Variants in ITGB5 observed in about 807,000 individuals in gnomAD.
The protein encoded by ITGB5 is integrin subunit beta 5, also known as integrin beta-5.
In ITGB5, 38 loss-of-function variants were observed where a neutral mutation model predicts 84.8. The observed-to-expected ratio is 0.45, with a 90% confidence interval of 0.35 to 0.59. The LOEUF (loss-of-function observed/expected upper bound fraction) is 0.59. Among genes scored for constraint, ITGB5 ranks in the 20% least tolerant of loss-of-function variants. ITGB5 has a pLI of 0.01. For missense variants in ITGB5, 905 were observed against 1,034.5 expected (o/e 0.87, Z 1.72); for synonymous variants, 393 against 414.4 (o/e 0.95, Z 0.63).
At chr3:124,806,424 ATTTTTTTTTT>A (rs71145488) in intron 9 of ITGB5, among the ~76,000 whole-genome samples, 8 of 72,776 alleles carry the variant, frequency 1.1e-4, no homozygotes, top group Admixed American at 1.8e-4. Context: ...GCCTCATTCC[ATTTTTTTTTT>A]TTTTTTTTTT....
chr3:124,841,675 GC>G, intron 4 of ITGB5, 124 bp from the exon 5 acceptor site: 1 of 826,672 alleles, frequency 1.2e-6, no homozygotes, highest in Non-Finnish European at 1.9e-6. Context: ...CCTACCACAT[GC>G]CCCAGGACAG....
chr3:124,766,485 C>A (rs901167561), intron 12 of ITGB5, 140 bp from the exon 13 acceptor site: 7 of 1,002,346 alleles, frequency 7.0e-6, no homozygotes, highest in African/African-American at 1.6e-5. Context: ...GGAGGCTGGG[C>A]CTTTGAAGAT....
At chr3:124,854,350 G>C (rs1448181054) in intron 3 of ITGB5, among the ~76,000 whole-genome samples, 1 of 152,070 alleles carries the variant, frequency 6.6e-6, no homozygotes, top group Non-Finnish European at 1.5e-5. Context: ...AAAAAGAATT[G>C]TCCCAAAGTA....
At chr3:124,836,292 G>A (rs1351755749) in intron 5 of ITGB5, among the ~76,000 whole-genome samples, 1 of 151,854 alleles carries the variant, frequency 6.6e-6, no homozygotes, top group Admixed American at 6.6e-5. Flanking sequence ...GAGGTGGGCA[G>A]ATCACTTGAG....
intron 10 of ITGB5, among the ~76,000 whole-genome samples, chr3:124,785,898 AG>A (rs1321600685): frequency 6.6e-6 from 1 of 151,934 alleles, no homozygotes; most frequent in Admixed American, 6.6e-5. Context: ...GCTAAGTGCC[AG>A]GGTGGTGGGA....
At chr3:124,888,076 C>T (rs1387585770), upstream of ITGB5, among the ~76,000 whole-genome samples, 2 of 151,938 alleles carry the variant, frequency 1.3e-5, no homozygotes, top group African/African-American at 2.4e-5. Context: ...CCACCACACC[C>T]GGACAATTTT....
At chr3:124,875,886 G>A (rs1423439464) in intron 1 of ITGB5, among the ~76,000 whole-genome samples, 3 of 152,304 alleles carry the variant, frequency 2.0e-5, no homozygotes, top group African/African-American at 4.8e-5. Flanking sequence ...ACTATTAAGC[G>A]AGGCACAGAA....
intron 5 of ITGB5, among the ~76,000 whole-genome samples, chr3:124,830,650 A>G (rs1329187669): frequency 1.3e-5 from 2 of 152,174 alleles, no homozygotes; most frequent in African/African-American, 4.8e-5. Flanking sequence ...GCCCACACAC[A>G]TACTCACTGC....
At chr3:124,804,721 C>T (rs2064368514) in intron 9 of ITGB5, among the ~76,000 whole-genome samples, 1 of 152,162 alleles carries the variant, frequency 6.6e-6, no homozygotes, top group African/African-American at 2.4e-5. Flanking sequence ...GGCTAGAGTG[C>T]AGTGGTGCAA....
intron 10 of ITGB5, among the ~76,000 whole-genome samples, chr3:124,793,711 T>C (rs1239602064): frequency 2.6e-5 from 4 of 152,364 alleles, no homozygotes; most frequent in Admixed American, 2.6e-4. Flanking sequence ...GAGCCCAAAC[T>C]TTTTCTACTA....
At chr3:124,839,311 G>A (rs1003420814) in intron 5 of ITGB5, among the ~76,000 whole-genome samples, 1 of 152,102 alleles carries the variant, frequency 6.6e-6, no homozygotes. Context: ...TGCTAGCATC[G>A]CCTCTGAAAT....
At chr3:124,804,823 C>T (rs762461871) in intron 9 of ITGB5, among the ~76,000 whole-genome samples, 7 of 151,850 alleles carry the variant, frequency 4.6e-5, no homozygotes, top group Non-Finnish European at 5.9e-5. Context: ...CACATCACCA[C>T]GCCCCGCTAA....
chr3:124,787,372 C>T (rs1020885969), intron 10 of ITGB5: 1 of 152,096 alleles, frequency 6.6e-6, no homozygotes, highest in African/African-American at 2.4e-5. Flanking sequence ...TCTCAAAATG[C>T]TTCCCAACAC....
intron 1 of ITGB5, among the ~76,000 whole-genome samples, chr3:124,874,406 G>A (rs1363598993): frequency 1.3e-5 from 2 of 151,430 alleles, no homozygotes; most frequent in African/African-American, 4.9e-5. Context: ...AATTAATATT[G>A]TCAAAATGTC....
At chr3:124,791,522 A>T (rs370716067) in intron 10 of ITGB5, 1 of 152,216 alleles carries the variant, frequency 6.6e-6, no homozygotes, top group Admixed American at 6.5e-5. Flanking sequence ...TCCTACTGAT[A>T]GAGAGTCCAG....
chr3:124,769,376 G>A, intron 11 of ITGB5: 1 of 415,116 alleles, frequency 2.4e-6, no homozygotes, highest in Non-Finnish European at 4.3e-6. Context: ...GACACCAGGA[G>A]ACAAATCCAT....
intron 9 of ITGB5, among the ~76,000 whole-genome samples, chr3:124,797,554 C>T (rs1002498208): frequency 6.6e-6 from 1 of 152,242 alleles, no homozygotes; most frequent in African/African-American, 2.4e-5. Flanking sequence ...GTGTTTCTCA[C>T]TCAGGAGCTT....
chr3:124,816,030 T>C (rs1209629153), intron 8 of ITGB5, among the ~76,000 whole-genome samples: 2 of 152,138 alleles, frequency 1.3e-5, no homozygotes, highest in Admixed American at 1.3e-4. Flanking sequence ...AAGTCTTCAG[T>C]TTCTCACAAT....
intron 1 of ITGB5, among the ~76,000 whole-genome samples, chr3:124,877,658 AAG>A (rs1432193733): frequency 6.6e-6 from 1 of 152,178 alleles, no homozygotes. Context: ...ATCTACAAAA[AAG>A]AGGTCAGACG....
Sources: gnomAD v4.1 joint callset for allele counts (sites outside exome capture counted in the v4.1 genomes callset) on GRCh38, gnomAD v4.1.1 for gene constraint, MANE v1.5 for transcripts, NCBI Gene and HGNC (gene_info 2026-07-23, HGNC 2026-07-21) for gene names.